The following CORO2A variants were observed in gnomAD, a reference collection of about 807,000 sequenced individuals.
CORO2A encodes coronin-2A.
Under a neutral mutation model 62.4 loss-of-function variants are expected in CORO2A, and 47 were observed. The observed-to-expected ratio is 0.75, with a 90% CI of 0.60 to 0.96. The LOEUF is 0.96. CORO2A is among the 40% of genes least tolerant of loss of function. CORO2A has a pLI of 0.00. For synonymous variants in CORO2A, 273 were observed against 268.9 expected (o/e 1.02, Z -0.15); for missense variants, 610 against 684.1 (o/e 0.89, Z 1.21).
At chr9:98,187,572 C>T (rs564659883) in intron 1 of CORO2A, among the ~76,000 whole-genome samples, 3 of 152,070 alleles carry the variant, frequency 2.0e-5, no homozygotes, top group African/African-American at 4.8e-5. Context: ...TGGTGAGGGC[C>T]CACTTCCTGG....
chr9:98,175,165 C>T (rs922013509), intron 1 of CORO2A, among the ~76,000 whole-genome samples: 1 of 152,136 alleles, frequency 6.6e-6, no homozygotes, highest in Admixed American at 6.5e-5. Context: ...GCGGGATGGC[C>T]CTCCCTGTCT....
chr9:98,188,030 C>T (rs1286286840), intron 1 of CORO2A, among the ~76,000 whole-genome samples: 1 of 152,194 alleles, frequency 6.6e-6, no homozygotes, highest in East Asian at 1.9e-4. Context: ...GTGGGGTACA[C>T]AGTCTAGCCC....
At chr9:98,126,897 G>T in intron 10 of CORO2A, 74 bp from the exon 11 acceptor site, 9 of 1,522,934 alleles carry the variant, frequency 5.9e-6, no homozygotes, top group Non-Finnish European at 6.4e-6. Flanking sequence ...CAATGACACA[G>T]GCAGGCATGC....
At chr9:98,126,311 A>C (rs1013232600) in intron 11 of CORO2A, among the ~76,000 whole-genome samples, 1 of 151,978 alleles carries the variant, frequency 6.6e-6, no homozygotes, top group African/African-American at 2.4e-5. Flanking sequence ...TGGGATTACA[A>C]GAGTGAGCCA....
chr9:98,158,835 A>AC (rs1236666231), intron 1 of CORO2A, among the ~76,000 whole-genome samples: 1 of 128,276 alleles, frequency 7.8e-6, no homozygotes, highest in East Asian at 3.6e-4. Flanking sequence ...AAAAAGAAGA[A>AC]AACACACACA....
At chr9:98,160,955 G>A (rs952197755) in intron 1 of CORO2A, among the ~76,000 whole-genome samples, 1 of 152,224 alleles carries the variant, frequency 6.6e-6, no homozygotes, top group Non-Finnish European at 1.5e-5. Context: ...GATGAGAAGG[G>A]TGCATGTTTC....
chr9:98,173,630 G>A (rs1256745989), intron 1 of CORO2A, among the ~76,000 whole-genome samples: 1 of 152,128 alleles, frequency 6.6e-6, no homozygotes, highest in Non-Finnish European at 1.5e-5. Context: ...CCTTCTCATG[G>A]TGCTCCACAG....
rs149791970 is a variant in CORO2A, at chr9:98,125,441, C to T, written c.1447-536G>A. On this transcript the variant is annotated intron_variant, in intron 11 of 11. Transcript: ENST00000375077. ...GACATTCAGTCTCTGGGTCTAAGAC[C>T]CTAAATTAGTACTCAGCAGAGCCAG... Among the ~76,000 whole-genome samples the T allele has an allele frequency of 3.5e-4, 53 of 152,248 alleles. 1 individual carries two copies. The East Asian group carries it at 0.01, about 29-fold the overall frequency.
intron 2 of CORO2A, among the ~76,000 whole-genome samples, chr9:98,149,353 T>C (rs1017824190): frequency 1.3e-5 from 2 of 152,236 alleles, no homozygotes; most frequent in African/African-American, 4.8e-5. Flanking sequence ...TACATCAGAA[T>C]CTGTGTTGTA....
chr9:98,133,913 C>T (rs1250381702), intron 4 of CORO2A, among the ~76,000 whole-genome samples: 1 of 152,032 alleles, frequency 6.6e-6, no homozygotes, highest in African/African-American at 2.4e-5. Flanking sequence ...TTTTCCCACA[C>T]CTGGCTAATT....
chr9:98,129,878 T>C lies in CORO2A; in HGVS notation c.883A>G (p.Ile295Val). 2 of 1,613,766 alleles carry C rather than the reference T, an allele frequency of 1.2e-6. No homozygotes were observed. Among genetic ancestry groups the C allele is most frequent in the African/African-American group, 2.7e-5 (2 of 75,044 alleles). Reference sequence around the variant, plus strand: ...TCGGCGCTCACCTCGTAGTAGCGGATGTTGCCATCTCCCTGAGGAGGAGGA... The same window carrying C: ...TCGGCGCTCACCTCGTAGTAGCGGACGTTGCCATCTCCCTGAGGAGGAGGA... ...LYVVGKGDGN[I>V]RYYEVSADKP... The change falls in exon 8 of 12, where the codon ATC becomes GTC. Residue 295 changes from isoleucine (I) to valine (V), a missense_variant. Coordinates refer to ENST00000375077, the MANE Select transcript of CORO2A (RefSeq NM_052820.4).
At chr9:98,173,831 T>C (rs1985859) in intron 1 of CORO2A, among the ~76,000 whole-genome samples, 41,574 of 151,782 alleles carry the variant, frequency 0.27, 5,900 homozygotes, top group East Asian at 0.49. Context: ...GCGTGTAGCC[T>C]TTGGTCTGGG....
At position 98,132,257 on chromosome 9, in the gene CORO2A, C is replaced by T. The variant is rs764219217; in HGVS notation, c.693G>A (p.Leu231=). The change falls in exon 6 of 12, where the codon CTG becomes CTA. Residue 231 remains leucine, a synonymous_variant. Transcript: ENST00000375077. ...TGGACATCAGCTTCTTCAGGTTCCC[C>T]AGAAACAGCACTTTGCTGGCCCGGT... is the stretch of plus-strand genomic sequence containing the variant. The part of the protein sequence containing the change: ...KGHRASKVLF[L]GNLKKLMSTG... 1 of 1,614,180 alleles carries T rather than the reference C, an allele frequency of 6.2e-7. No individual in the cohort carries two copies.
intron 2 of CORO2A, among the ~76,000 whole-genome samples, chr9:98,150,808 C>T (rs1827713553): frequency 6.6e-6 from 1 of 152,164 alleles, no homozygotes; most frequent in Non-Finnish European, 1.5e-5. Context: ...ATAGGGGGTC[C>T]TTCCCATTTT....
At chr9:98,152,185 G>C (rs1331049715) in intron 2 of CORO2A, among the ~76,000 whole-genome samples, 1 of 150,654 alleles carries the variant, frequency 6.6e-6, no homozygotes, top group African/African-American at 2.4e-5. Flanking sequence ...TTAGTAGTTA[G>C]AGGACTATTC....
At chr9:98,148,093 A>G (rs1332074233) in intron 2 of CORO2A, among the ~76,000 whole-genome samples, 1 of 53,202 alleles carries the variant, frequency 1.9e-5, no homozygotes, top group African/African-American at 7.5e-5. Context: ...TTAAAAAAAA[A>G]AAAGAAAAAA....
intron 1 of CORO2A, among the ~76,000 whole-genome samples, chr9:98,162,385 C>G (rs1261270440): frequency 2.0e-5 from 3 of 152,152 alleles, no homozygotes; most frequent in Non-Finnish European, 4.4e-5. Flanking sequence ...GGAAAGGCTC[C>G]CCACTTCCCC....
At chr9:98,157,290 G>T (rs1398903644) in intron 2 of CORO2A, 170 bp downstream of exon 2, 3 of 634,254 alleles carry the variant, frequency 4.7e-6, no homozygotes, top group Admixed American at 6.2e-5. Context: ...CAGGACAGGT[G>T]TATTTTTCCC....
At position 98,123,416 on chromosome 9, in the gene CORO2A, A is replaced by C. The variant is rs1165262930; in HGVS notation, c.*1358T>G. ...CATACTAGCCCAACATATAAAATAG[A>C]AGGGAGCTGTCTGGTTGGAATACAG... On this transcript the variant is annotated 3_prime_UTR_variant, in exon 12 of 12. Transcript: ENST00000375077. The C allele has an allele frequency of 6.6e-6, 1 of 152,110 alleles. No homozygotes were observed. The highest frequency in any genetic ancestry group is 1.5e-5 in the Non-Finnish European group (1 of 68,000). The allele number at this position is 152,110 out of a possible 1,614,324, so 9.4% of individuals were successfully genotyped here.
Sources: allele counts gnomAD v4.1 joint callset (sites outside exome capture counted in the v4.1 genomes callset), GRCh38; gene constraint gnomAD v4.1.1; transcripts MANE v1.5; gene names NCBI Gene and HGNC (gene_info 2026-07-23, HGNC 2026-07-21).